The following CNTNAP2 variants were observed in gnomAD, a reference collection of about 807,000 sequenced individuals.
The protein encoded by CNTNAP2 is contactin-associated protein-like 2.
CNTNAP2 carries 98 observed loss-of-function variants against 155.2 expected under a neutral mutation model. The ratio of observed to expected loss-of-function variants is 0.63; its 90% confidence interval spans 0.54 to 0.75. The LOEUF is 0.75. CNTNAP2 is among the 30% of genes least tolerant of loss of function. CNTNAP2 has a pLI of 0.00. For synonymous variants in CNTNAP2, 651 were observed against 631.2 expected (o/e 1.03, Z -0.47); for missense variants, 1,727 against 1,688.1 (o/e 1.02, Z -0.40).
chr7:146,500,315 A>G (rs1442820422), intron 1 of CNTNAP2, among the ~76,000 whole-genome samples: 3 of 152,214 alleles, frequency 2.0e-5, no homozygotes, highest in South Asian at 2.1e-4. Flanking sequence ...GAAGGCTTTA[A>G]TCAGGTGCTA....
chr7:146,661,782 G>T (rs771240026), intron 1 of CNTNAP2, among the ~76,000 whole-genome samples: 10 of 142,520 alleles, frequency 7.0e-5, no homozygotes, highest in Non-Finnish European at 1.2e-4. Context: ...ACAGATCATT[G>T]TGTAGGCACA....
intron 3 of CNTNAP2, among the ~76,000 whole-genome samples, chr7:146,970,703 A>T (rs575818609): frequency 2.6e-5 from 4 of 152,202 alleles, no homozygotes; most frequent in Non-Finnish European, 5.9e-5. Context: ...CAGCCATCCT[A>T]TTACTGGGTA....
Position 147,259,147 on chromosome 7 carries a change from A to T in CNTNAP2, c.1349-40994A>T, listed in dbSNP as rs372560906. ...ACATGTATTTAAGTCTGTTCTCTCT[A>T]GTTTATCAGGTACCTGGCTGTAGGC... On this transcript the variant is annotated intron_variant, in intron 8 of 23. Coordinates refer to ENST00000361727, the MANE Select transcript of CNTNAP2 (RefSeq NM_014141.6). Among the ~76,000 whole-genome samples, 289 of 152,286 alleles carry T rather than the reference A, an allele frequency of 1.9e-3. 3 individuals are homozygous for T. Among genetic ancestry groups the T allele is most frequent in the African/African-American group, 6.5e-3 (270 of 41,568 alleles).
At chr7:147,327,202 C>T (rs1191169839) in intron 9 of CNTNAP2, among the ~76,000 whole-genome samples, 1 of 152,178 alleles carries the variant, frequency 6.6e-6, no homozygotes, top group Non-Finnish European at 1.5e-5. Context: ...TCTAGGAACT[C>T]TTCTGAGCAT....
chr7:147,596,615 G>T (rs369696290), intron 12 of CNTNAP2, among the ~76,000 whole-genome samples: 1 of 151,972 alleles, frequency 6.6e-6, no homozygotes, highest in African/African-American at 2.4e-5. Flanking sequence ...TCAGCCTTTT[G>T]TTTTTTCTGG....
chr7:148,209,690 T>A (rs968257280), intron 18 of CNTNAP2, among the ~76,000 whole-genome samples: 3 of 152,214 alleles, frequency 2.0e-5, no homozygotes, highest in African/African-American at 7.2e-5. Flanking sequence ...CTCTTTCCAA[T>A]GCATTCACCA....
intron 9 of CNTNAP2, among the ~76,000 whole-genome samples, chr7:147,306,383 A>C (rs377202813): frequency 6.6e-6 from 1 of 152,158 alleles, no homozygotes; most frequent in Admixed American, 6.5e-5. Context: ...AGTGGATAAA[A>C]ATGTGCTGGT....
intron 10 of CNTNAP2, among the ~76,000 whole-genome samples, chr7:147,461,233 T>C (rs747147429): frequency 6.6e-6 from 1 of 152,228 alleles, no homozygotes; most frequent in Non-Finnish European, 1.5e-5. Flanking sequence ...AACTCAAGTT[T>C]AGATTTCAGT....
intron 8 of CNTNAP2, among the ~76,000 whole-genome samples, chr7:147,245,516 C>A (rs959649980): frequency 1.3e-5 from 2 of 151,990 alleles, no homozygotes; most frequent in Non-Finnish European, 2.9e-5. Context: ...CATTTGCTTT[C>A]ATTGATCTAG....
chr7:147,389,618 G>GAAA (rs1796676160), intron 9 of CNTNAP2, among the ~76,000 whole-genome samples: 1 of 152,108 alleles, frequency 6.6e-6, no homozygotes, highest in Non-Finnish European at 1.5e-5. Flanking sequence ...TTATATGCAA[G>GAAA]TCTTGAAACA....
intron 3 of CNTNAP2, among the ~76,000 whole-genome samples, chr7:146,972,845 G>A (rs187153495): frequency 1.4e-4 from 21 of 152,202 alleles, no homozygotes; most frequent in African/African-American, 4.6e-4. Context: ...GATTTTCCTG[G>A]CTCATCAGTT....
chr7:147,592,889 C>T (rs1800765732), intron 12 of CNTNAP2, among the ~76,000 whole-genome samples: 1 of 152,158 alleles, frequency 6.6e-6, no homozygotes, highest in Non-Finnish European at 1.5e-5. Context: ...TCTAGAGAAA[C>T]TCTTCCAAAT....
intron 12 of CNTNAP2, among the ~76,000 whole-genome samples, chr7:147,601,488 A>C (rs1800942565): frequency 6.6e-6 from 1 of 152,016 alleles, no homozygotes; most frequent in African/African-American, 2.4e-5. Flanking sequence ...AGGAATGAAC[A>C]GGCCATTTTC....
chr7:147,190,826 AT>A (rs1174116320), intron 8 of CNTNAP2, among the ~76,000 whole-genome samples: 1 of 152,212 alleles, frequency 6.6e-6, no homozygotes, highest in Non-Finnish European at 1.5e-5. Flanking sequence ...TTATACTTAC[AT>A]AAAGTGCTTT....
chr7:147,559,518 C>T (rs1405859444), intron 11 of CNTNAP2, among the ~76,000 whole-genome samples: 1 of 152,118 alleles, frequency 6.6e-6, no homozygotes, highest in Non-Finnish European at 1.5e-5. Flanking sequence ...TTGGGTAGAA[C>T]AACCAATGAA....
intron 4 of CNTNAP2, among the ~76,000 whole-genome samples, chr7:147,063,153 G>T (rs74973255): frequency 6.6e-6 from 1 of 152,180 alleles, no homozygotes; most frequent in African/African-American, 2.4e-5. Context: ...TAGCAGAACC[G>T]TATTGGATTT....
chr7:146,194,769 A>G (rs1205125126), intron 1 of CNTNAP2, among the ~76,000 whole-genome samples: 1 of 151,564 alleles, frequency 6.6e-6, no homozygotes, highest in Non-Finnish European at 1.5e-5. Flanking sequence ...TTATCCTTTA[A>G]TGATTCTAAA....
intron 13 of CNTNAP2, among the ~76,000 whole-genome samples, chr7:147,680,539 T>G (rs2116978936): frequency 6.6e-6 from 1 of 152,026 alleles, no homozygotes; most frequent in East Asian, 1.9e-4. Context: ...GGGACTTTTG[T>G]GAGGTCTACC....
rs192457488 is a variant in CNTNAP2 at position 148,012,172 on chromosome 7, T to C, written c.2383+34183T>C. Among the ~76,000 whole-genome samples the C allele has an allele frequency of 2.6e-5, 4 of 152,258 alleles. No individual in the cohort carries two copies. In the East Asian group the frequency reaches 7.7e-4, roughly 29 times the overall value. ...GCCTCAAGTGATCTTCCCCCCTCAGTCTCCCAAAGTGTCGGGATTACACTG... is the reference window on the plus strand; with the variant it reads ...GCCTCAAGTGATCTTCCCCCCTCAGCCTCCCAAAGTGTCGGGATTACACTG... On this transcript the variant is annotated intron_variant, in intron 15 of 23. Coordinates refer to ENST00000361727, the MANE Select transcript of CNTNAP2 (RefSeq NM_014141.6).
Sources: gnomAD v4.1 joint callset for allele counts (sites outside exome capture counted in the v4.1 genomes callset) on GRCh38, gnomAD v4.1.1 for gene constraint, MANE v1.5 for transcripts, NCBI Gene and HGNC (gene_info 2026-07-23, HGNC 2026-07-21) for gene names.